DNAAF5: variants seen among roughly 807,000 people sequenced by gnomAD.
DNAAF5 encodes the protein HEAT repeat containing 2.
A neutral mutation model predicts 75.8 loss-of-function variants in DNAAF5; 64 were observed. That is an observed-to-expected ratio of 0.84 (90% CI 0.69 to 1.04). DNAAF5 has a LOEUF of 1.04. DNAAF5 is among the 50% of genes least tolerant of loss of function. The pLI, the probability that DNAAF5 is intolerant of heterozygous loss-of-function variation, is 0.00. For synonymous variants in DNAAF5, 657 were observed against 557.2 expected (o/e 1.18, Z -2.52); for missense variants, 1,269 against 1,178.5 (o/e 1.08, Z -1.12).
chr7:766,698 G>A (rs1020514116), intron 8 of DNAAF5, among the ~76,000 whole-genome samples: 2 of 152,082 alleles, frequency 1.3e-5, no homozygotes, highest in Non-Finnish European at 2.9e-5. Context: ...AGCCTGCTCT[G>A]ATGATAGAGG....
rs914626505 is a variant in DNAAF5, at chr7:779,813, C to G, written c.2240-140C>G. On this transcript the variant is annotated intron_variant, in intron 11 of 12. Coordinates refer to ENST00000297440, the MANE Select transcript of DNAAF5 (RefSeq NM_017802.4). Reference sequence around the variant, plus strand: ...CACCTTGCATGTGGCTCGGGATGCACGGAGTCTCCCGTGAGGTGTGGGTTT... The same window carrying G: ...CACCTTGCATGTGGCTCGGGATGCAGGGAGTCTCCCGTGAGGTGTGGGTTT... The G allele has an allele frequency of 8.7e-6, 6 of 692,118 alleles. No homozygotes were observed. The African/African-American group carries it at 1.1e-4, about 13-fold the overall frequency. The allele number at this position is 692,118 out of a possible 1,614,324, so 42.9% of individuals were successfully genotyped here.
At chr7:785,371 C>CTA (rs1779114062) in intron 12 of DNAAF5, 146 bp from the exon 13 acceptor site, 1 of 843,544 alleles carries the variant, frequency 1.2e-6, no homozygotes, top group Non-Finnish European at 1.9e-6. Flanking sequence ...CGCATTGTGA[C>CTA]TACTGTATGT....
In DNAAF5 at chr7:785,851, T is replaced by C. The variant is rs1312764100; in HGVS notation, c.*198T>C. On this transcript the variant is annotated 3_prime_UTR_variant, in exon 13 of 13. Coordinates refer to ENST00000297440, the MANE Select transcript of DNAAF5 (RefSeq NM_017802.4). ...TCTGCATGTTATGTGATTTGTTCTG[T>C]TCATCGAGAGGGCTCCCAAACATCT... 3.3e-6 allele frequency: 2 copies of C among 597,350 alleles called. No homozygotes were observed. The highest frequency in any genetic ancestry group is 9.1e-4 in the Middle Eastern group (2 of 2,208). 37.0% of individuals were successfully genotyped at this position (597,350 alleles called of 1,614,324 possible). A position where few individuals can be genotyped will look rare whatever the true frequency, so the allele number is the denominator to read the frequency against.
rs192289643 is a variant in DNAAF5, at chr7:756,918, G to A, written c.1394G>A (p.Arg465Gln). Residue 465 changes from arginine (R) to glutamine (Q), a missense_variant, in exon 6 of 13, where the codon CGA becomes CAA. By Grantham distance (43) the Arg-to-Gln change is conservative (BLOSUM62 1). Transcript: ENST00000297440. ...GCCTCCGCCATGCGGGGTTGCCCCC[G>A]AGAAGCCCTCCAGCCGCACCTGGCA... is the stretch of plus-strand genomic sequence containing the variant. ...VLASAMRGCP[R>Q]EALQPHLAAI... The A allele has an allele frequency of 3.2e-4, 509 of 1,610,722 alleles. 4 individuals are homozygous for A. In the East Asian group the frequency reaches 9.8e-3, roughly 31 times the overall value.
chr7:755,327 G>T (rs112569158), intron 5 of DNAAF5, among the ~76,000 whole-genome samples: 1 of 152,086 alleles, frequency 6.6e-6, no homozygotes, highest in African/African-American at 2.4e-5. Flanking sequence ...TTATCGCCTC[G>T]TCACCACTGG....
At chr7:759,081 G>A (rs1241230884) in intron 6 of DNAAF5, among the ~76,000 whole-genome samples, 6 of 149,264 alleles carry the variant, frequency 4.0e-5, no homozygotes, top group Non-Finnish European at 5.9e-5. Context: ...CTCTTCCCAC[G>A]CCCCTGTGCT....
intron 2 of DNAAF5, 62 bp downstream of exon 2, chr7:729,909 G>A (rs1015946451): frequency 2.0e-6 from 3 of 1,501,236 alleles, no homozygotes; most frequent in Non-Finnish European, 1.8e-6. Flanking sequence ...CTGACGTGCT[G>A]TTTTTAACTA....
At position 775,087 on chromosome 7, in the gene DNAAF5, T is replaced by C; in HGVS notation, c.2164T>C (p.Cys722Arg). 6.2e-7 allele frequency: 1 copy of C among 1,614,126 alleles called. No individual in the cohort carries two copies. Among genetic ancestry groups the C allele is most frequent in the Non-Finnish European group, 8.5e-7 (1 of 1,180,024 alleles). Residue 722 changes from cysteine to arginine, a missense_variant, in exon 11 of 13, where the codon TGC becomes CGC. Transcript: ENST00000297440. ...TTCGAAGATGACGCGACTGATCTCA[T>C]GCCGTATTATCAACACGTTCTTAAA... ...EDSKMTRLIS[C>R]RIINTFLKTS...
chr7:729,734 G>T lies in DNAAF5; in HGVS notation c.667G>T (p.Val223Phe), dbSNP rs755873855. The stretch of plus-strand genomic sequence containing the variant: ...GACCATCTCCCACCAGCACTGGAAG[G>T]TCCGTGTGGCCGCCATTGAAGCCAC... ...MQTISHQHWK[V>F]RVAAIEATGA... Residue 223 changes from valine to phenylalanine, a missense_variant, in exon 2 of 13, where the codon GTC (valine) becomes TTC (phenylalanine). Physicochemically the swap from Val to Phe is conservative, Grantham distance 50. Coordinates refer to ENST00000297440, the MANE Select transcript of DNAAF5 (RefSeq NM_017802.4). 1 of 1,614,138 alleles carries T rather than the reference G, an allele frequency of 6.2e-7. No homozygotes were observed. The highest frequency in any genetic ancestry group is 1.1e-5 in the South Asian group (1 of 91,084).
chr7:758,650 CCACCA>C (rs1479958309), intron 6 of DNAAF5, among the ~76,000 whole-genome samples: 1 of 152,176 alleles, frequency 6.6e-6, no homozygotes, highest in Non-Finnish European at 1.5e-5. Context: ...CAGGTGTGCA[CCACCA>C]CACCTGGGTA....
chr7:779,938 G>A lies in DNAAF5; in HGVS notation c.2240-15G>A, dbSNP rs755778689. ...TGCTCTAGACTCACACACCTGTCTC[G>A]CTCCCTCCTTCCAGAACTCTTAAAA... On this transcript the variant is annotated splice_polypyrimidine_tract_variant and intron_variant, in intron 11 of 12. Transcript: ENST00000297440. 8.1e-6 allele frequency: 13 copies of A among 1,610,982 alleles called. No individual in the cohort carries two copies. Among genetic ancestry groups the A allele is most frequent in the South Asian group, 1.1e-5 (1 of 90,788 alleles).
chr7:742,188 C>T (rs577679293), intron 4 of DNAAF5, among the ~76,000 whole-genome samples: 2 of 152,298 alleles, frequency 1.3e-5, no homozygotes, highest in African/African-American at 2.4e-5. Flanking sequence ...CACTTGCACG[C>T]GGTCAAGTGC....
intron 9 of DNAAF5, chr7:772,331 C>A (rs1583515306): frequency 6.6e-6 from 1 of 152,356 alleles, no homozygotes; most frequent in Non-Finnish European, 1.5e-5. Flanking sequence ...ATCCAAAATG[C>A]TCCAGTGAGT....
At chr7:736,865 G>A (rs1302016243) in intron 2 of DNAAF5, among the ~76,000 whole-genome samples, 1 of 151,158 alleles carries the variant, frequency 6.6e-6, no homozygotes, top group Non-Finnish European at 1.5e-5. Context: ...GTGTGTATCT[G>A]TTGTGGCGTT....
At chr7:729,895 C>T (rs1286902730) in intron 2 of DNAAF5, 48 bp downstream of exon 2, 11 of 1,577,068 alleles carry the variant, frequency 7.0e-6, no homozygotes, top group South Asian at 3.4e-5. Context: ...CCAACACAGG[C>T]GGGCTGACGT....
intron 4 of DNAAF5, among the ~76,000 whole-genome samples, chr7:746,576 G>A (rs1348814150): frequency 8.2e-5 from 9 of 110,276 alleles, no homozygotes; most frequent in East Asian, 2.7e-4. Flanking sequence ...GCTCTGTGTC[G>A]TCCCTTTTCC....
chr7:746,284 C>T (rs113101459), intron 4 of DNAAF5, among the ~76,000 whole-genome samples: 13,966 of 118,144 alleles, frequency 0.12, 2,032 homozygotes, highest in East Asian at 0.31. Context: ...CCCCCCTGCC[C>T]GCTGGGCCCA....
At chr7:740,531 G>A (rs992103166) in intron 2 of DNAAF5, among the ~76,000 whole-genome samples, 9 of 152,180 alleles carry the variant, frequency 5.9e-5, no homozygotes, top group East Asian at 5.8e-4. Context: ...GGACCAGGCC[G>A]GGGCACGGGG....
At chr7:780,640 TTAG>T (rs1002189462) in intron 12 of DNAAF5, among the ~76,000 whole-genome samples, 12 of 152,146 alleles carry the variant, frequency 7.9e-5, no homozygotes, top group Non-Finnish European at 1.6e-4. Flanking sequence ...GAAGAGTATT[TTAG>T]TAGCCTTTTC....
Sources: gnomAD v4.1 joint callset for allele counts (sites outside exome capture counted in the v4.1 genomes callset) on GRCh38, gnomAD v4.1.1 for gene constraint, MANE v1.5 for transcripts, NCBI Gene and HGNC (gene_info 2026-07-23, HGNC 2026-07-21) for gene names.